Variants in CTNNA3 observed in about 807,000 individuals in gnomAD.
CTNNA3 encodes the protein catenin alpha-3.
In CTNNA3, 76 loss-of-function variants were observed where a neutral mutation model predicts 95.7. That is an observed-to-expected ratio of 0.79 (90% CI 0.66 to 0.96). The LOEUF (loss-of-function observed/expected upper bound fraction) is 0.96, where lower values mean the gene tolerates loss of function less well. CTNNA3 is among the 40% of genes least tolerant of loss of function. The pLI is 0.00. For synonymous variants in CTNNA3, 431 were observed against 374.4 expected (o/e 1.15, Z -1.74); for missense variants, 1,191 against 1,089.8 (o/e 1.09, Z -1.31).
chr10:66,701,196 C>T lies in CTNNA3; in HGVS notation c.1281+65068G>A, dbSNP rs186811084. Among the ~76,000 whole-genome samples the T allele has an allele frequency of 3.9e-3, 586 of 152,172 alleles. 5 individuals are homozygous for T. The highest frequency in any genetic ancestry group is 0.013 in the African/African-American group (557 of 41,496). ...CTACATCCATGTAGATCTTTATGGA[C>T]TCTAGTCATTTCTATTGATCTATTT... On this transcript the variant is annotated intron_variant, in intron 9 of 17. Coordinates refer to ENST00000433211, the MANE Select transcript of CTNNA3 (RefSeq NM_013266.4).
At position 67,582,687 on chromosome 10, in the gene CTNNA3, G is replaced by T. The variant is rs539707327; in HGVS notation, c.292+24170C>A. On this transcript the variant is annotated intron_variant, in intron 3 of 17. Transcript: ENST00000433211. Reference sequence around the variant, plus strand: ...TTAAGTCTCCCATTATTATTGTGTGGGAGTCTAAGTCTCTTTGTAGGTCTC... The same window carrying T: ...TTAAGTCTCCCATTATTATTGTGTGTGAGTCTAAGTCTCTTTGTAGGTCTC... Among the ~76,000 whole-genome samples the T allele has an allele frequency of 4.7e-3, 709 of 151,424 alleles. 14 individuals are homozygous for T. The highest frequency in any genetic ancestry group is 0.016 in the African/African-American group (671 of 41,266).
chr10:67,415,792 A>G lies in CTNNA3; in HGVS notation c.579+106050T>C, dbSNP rs545229034. Among the ~76,000 whole-genome samples, 236 of 152,332 alleles carry G rather than the reference A, an allele frequency of 1.5e-3. 1 individual carries two copies. The highest frequency in any genetic ancestry group is 5.4e-3 in the African/African-American group (226 of 41,572). Reference sequence around the variant, plus strand: ...CAAAACAGCATGGTATTGGTACAAAAATAGAAACATAGACCAATTGAACAG... The same window carrying G: ...CAAAACAGCATGGTATTGGTACAAAGATAGAAACATAGACCAATTGAACAG... On this transcript the variant is annotated intron_variant, in intron 5 of 17. Transcript: ENST00000433211.
At chr10:66,215,365 T>A (rs1381505770) in intron 13 of CTNNA3, among the ~76,000 whole-genome samples, 1 of 152,316 alleles carries the variant, frequency 6.6e-6, no homozygotes, top group Non-Finnish European at 1.5e-5. Context: ...GTGATCCCTA[T>A]AATTAAATTA....
chr10:67,496,019 A>G (rs1364262531), intron 5 of CTNNA3, among the ~76,000 whole-genome samples: 2 of 152,212 alleles, frequency 1.3e-5, no homozygotes, highest in Admixed American at 1.3e-4. Context: ...AGTTCCTGTT[A>G]TTATGTGAAT....
chr10:66,680,070 G>A (rs1221135747), intron 9 of CTNNA3, among the ~76,000 whole-genome samples: 1 of 152,066 alleles, frequency 6.6e-6, no homozygotes, highest in African/African-American at 2.4e-5. Context: ...TCGGCTCACT[G>A]CAACCTCCAC....
intron 10 of CTNNA3, among the ~76,000 whole-genome samples, chr10:66,591,231 T>C (rs987931512): frequency 2.0e-5 from 3 of 152,146 alleles, no homozygotes; most frequent in Non-Finnish European, 4.4e-5. Context: ...CAAGTGTTTA[T>C]TGAACTCCAG....
intron 11 of CTNNA3, among the ~76,000 whole-genome samples, chr10:66,428,412 A>C (rs1784484907): frequency 6.6e-6 from 1 of 152,194 alleles, no homozygotes; most frequent in Admixed American, 6.5e-5. Context: ...CCTAATAGAC[A>C]TCTATAGAAC....
chr10:67,209,435 C>G (rs1004340093), intron 6 of CTNNA3, among the ~76,000 whole-genome samples: 4 of 152,144 alleles, frequency 2.6e-5, no homozygotes, highest in Admixed American at 6.5e-5. Flanking sequence ...AAGACTTCAA[C>G]TAACCTCTCT....
At chr10:66,642,648 A>T (rs550963240) in intron 9 of CTNNA3, among the ~76,000 whole-genome samples, 9 of 151,936 alleles carry the variant, frequency 5.9e-5, no homozygotes, top group Non-Finnish European at 7.4e-5. Flanking sequence ...CATTTTCAAA[A>T]ATATATATAT....
intron 13 of CTNNA3, among the ~76,000 whole-genome samples, chr10:66,185,609 T>G (rs7895394): frequency 0.14 from 21,178 of 151,976 alleles, 2,434 homozygotes; most frequent in African/African-American, 0.32. Flanking sequence ...ACGCAAAATT[T>G]GTCTAAAATG....
intron 14 of CTNNA3, among the ~76,000 whole-genome samples, chr10:66,101,146 T>C (rs1390116084): frequency 1.3e-5 from 2 of 152,166 alleles, no homozygotes; most frequent in East Asian, 3.9e-4. Context: ...AAAATGTATT[T>C]CCAATTCAAT....
intron 13 of CTNNA3, among the ~76,000 whole-genome samples, chr10:66,164,196 C>T (rs2085002636): frequency 6.6e-6 from 1 of 152,058 alleles, no homozygotes; most frequent in Admixed American, 6.6e-5. Context: ...TTCTAACTTG[C>T]AGGCCAATCA....
chr10:66,769,396 C>T (rs958953346), intron 8 of CTNNA3, among the ~76,000 whole-genome samples: 2 of 152,092 alleles, frequency 1.3e-5, no homozygotes, highest in Non-Finnish European at 2.9e-5. Context: ...TCAACCAACC[C>T]ACAATATTCT....
At chr10:66,157,559 C>A (rs1165975775) in intron 13 of CTNNA3, among the ~76,000 whole-genome samples, 2 of 151,756 alleles carry the variant, frequency 1.3e-5, no homozygotes, top group East Asian at 3.9e-4. Flanking sequence ...TTTCTTTATC[C>A]ATTCATTGAG....
intron 1 of CTNNA3, among the ~76,000 whole-genome samples, chr10:67,693,946 G>A (rs937543552): frequency 1.3e-5 from 2 of 152,092 alleles, no homozygotes; most frequent in African/African-American, 4.8e-5. Flanking sequence ...TCTAGCATGT[G>A]CCCTCTATCC....
intron 3 of CTNNA3, among the ~76,000 whole-genome samples, chr10:67,567,489 T>C (rs1369590540): frequency 6.6e-6 from 1 of 152,120 alleles, no homozygotes; most frequent in African/African-American, 2.4e-5. Flanking sequence ...ATGCGTACAA[T>C]GTACGTTACT....
rs542304654 is a variant in CTNNA3, at chr10:67,585,020, T to C, written c.292+21837A>G. ...CCCCAAGCCCTTGCACTTCCTGGGT[T>C]AGGCGATGCCCCGCCCTGCTTCAGC... is the stretch of plus-strand genomic sequence containing the variant. On this transcript the variant is annotated intron_variant, in intron 3 of 17. Coordinates refer to ENST00000433211, the MANE Select transcript of CTNNA3 (RefSeq NM_013266.4). Among the ~76,000 whole-genome samples the C allele has an allele frequency of 6.2e-4, 95 of 152,346 alleles. 1 individual carries two copies. Among genetic ancestry groups the C allele is most frequent in the African/African-American group, 2.2e-3 (92 of 41,586 alleles).
intron 7 of CTNNA3, among the ~76,000 whole-genome samples, chr10:66,834,720 C>A (rs140148515): frequency 2.6e-5 from 4 of 152,322 alleles, no homozygotes; most frequent in Admixed American, 6.5e-5. Flanking sequence ...TTGAGCTCAA[C>A]AAGGCATGCA....
intron 11 of CTNNA3, among the ~76,000 whole-genome samples, chr10:66,488,520 G>T (rs1028801836): frequency 2.0e-5 from 3 of 152,086 alleles, no homozygotes; most frequent in African/African-American, 7.2e-5. Context: ...TAATGATAAT[G>T]GAATGGCTAT....
Sources: gnomAD v4.1 joint callset for allele counts (sites outside exome capture counted in the v4.1 genomes callset) on GRCh38, gnomAD v4.1.1 for gene constraint, MANE v1.5 for transcripts, NCBI Gene and HGNC (gene_info 2026-07-23, HGNC 2026-07-21) for gene names.